Variants in PTPRM observed in about 807,000 individuals in gnomAD.
PTPRM encodes protein tyrosine phosphatase receptor type M.
In PTPRM, 47 loss-of-function variants were observed where a neutral mutation model predicts 186.7. The ratio of observed to expected loss-of-function variants is 0.25; its 90% CI spans 0.20 to 0.32. The LOEUF (loss-of-function observed/expected upper bound fraction) is 0.32, where lower values mean the gene tolerates loss of function less well. Ranked by LOEUF, PTPRM falls within the 10% of genes least tolerant of loss-of-function variation. PTPRM has a pLI of 1.00. For missense variants in PTPRM, 1,494 were observed against 1,865.0 expected (o/e 0.80, Z 3.66); for synonymous variants, 668 against 674.9 (o/e 0.99, Z 0.16).
At chr18:8,289,442 ACG>A (rs2094999064) in intron 19 of PTPRM, among the ~76,000 whole-genome samples, 1 of 131,824 alleles carries the variant, frequency 7.6e-6, no homozygotes, top group Admixed American at 7.8e-5. Context: ...ATGTATATAT[ACG>A]TATATATGTA....
chr18:7,750,181 A>G (rs1048439334), intron 1 of PTPRM, among the ~76,000 whole-genome samples: 2 of 152,234 alleles, frequency 1.3e-5, no homozygotes, highest in Non-Finnish European at 2.9e-5. Flanking sequence ...TAATAACTAT[A>G]AAAGGAAATA....
intron 13 of PTPRM, among the ~76,000 whole-genome samples, chr18:8,124,453 G>T (rs1435735123): frequency 2.6e-5 from 4 of 152,024 alleles, no homozygotes; most frequent in Non-Finnish European, 5.9e-5. Flanking sequence ...GACATTTATT[G>T]AGCACCTTAT....
chr18:8,154,331 T>C (rs2093074680), intron 14 of PTPRM, among the ~76,000 whole-genome samples: 1 of 152,206 alleles, frequency 6.6e-6, no homozygotes, highest in African/African-American at 2.4e-5. Flanking sequence ...CTGGTTAGCC[T>C]ATGTTTCCTC....
Position 8,394,465 on chromosome 18 carries a change from T to C in PTPRM, c.4209-11T>C. On this transcript the variant is annotated splice_polypyrimidine_tract_variant and intron_variant, in intron 31 of 32. Coordinates refer to ENST00000580170, the MANE Select transcript of PTPRM (RefSeq NM_001105244.2). ...AGACCGAGTGCAGTCATCTGATCTT[T>C]TTCACGACAGGAACGGGGGAGGCCG... 6.2e-7 allele frequency: 1 copy of C among 1,604,272 alleles called. No homozygotes were observed. The highest frequency in any genetic ancestry group is 8.5e-7 in the Non-Finnish European group (1 of 1,174,868).
chr18:8,112,927 T>C (rs2091820034), intron 11 of PTPRM, among the ~76,000 whole-genome samples: 1 of 152,206 alleles, frequency 6.6e-6, no homozygotes, highest in African/African-American at 2.4e-5. Context: ...CTGCTTTTCT[T>C]ATGCATTTCT....
At chr18:7,901,717 T>C (rs968026854) in intron 3 of PTPRM, among the ~76,000 whole-genome samples, 7 of 152,194 alleles carry the variant, frequency 4.6e-5, no homozygotes, top group Admixed American at 2.0e-4. Flanking sequence ...AAGGGAAATC[T>C]CTCAATGGTT....
chr18:8,351,196 G>C (rs1344890582), intron 23 of PTPRM, among the ~76,000 whole-genome samples: 1 of 152,074 alleles, frequency 6.6e-6, no homozygotes, highest in African/African-American at 2.4e-5. Context: ...TTATTCAACT[G>C]GCTATTTTAT....
intron 2 of PTPRM, among the ~76,000 whole-genome samples, chr18:7,792,092 A>G (rs1026507020): frequency 2.6e-5 from 4 of 152,200 alleles, no homozygotes; most frequent in African/African-American, 9.6e-5. Flanking sequence ...CACTGCATAT[A>G]ACCTCTCTGG....
At chr18:8,284,303 A>G (rs1373796477) in intron 19 of PTPRM, among the ~76,000 whole-genome samples, 1 of 152,226 alleles carries the variant, frequency 6.6e-6, no homozygotes, top group Non-Finnish European at 1.5e-5. Context: ...AAATTGAACC[A>G]CGTGCCCCTA....
At chr18:8,131,760 A>C (rs1304198211) in intron 13 of PTPRM, among the ~76,000 whole-genome samples, 1 of 152,256 alleles carries the variant, frequency 6.6e-6, no homozygotes, top group Non-Finnish European at 1.5e-5. Context: ...GGGAATGAGA[A>C]GTCTTACTTA....
chr18:7,833,583 A>C (rs1437639498), intron 2 of PTPRM, among the ~76,000 whole-genome samples: 1 of 152,070 alleles, frequency 6.6e-6, no homozygotes, highest in East Asian at 1.9e-4. Context: ...AAAATACAAA[A>C]ATTAGCCGGG....
chr18:7,985,284 CATAA>C (rs1444112278), intron 7 of PTPRM, among the ~76,000 whole-genome samples: 2 of 50,980 alleles, frequency 3.9e-5, no homozygotes, highest in Non-Finnish European at 7.4e-5. Flanking sequence ...AGTATATACA[CATAA>C]ATATATACAT....
At chr18:8,005,413 T>A (rs193183995) in intron 7 of PTPRM, among the ~76,000 whole-genome samples, 2 of 152,378 alleles carry the variant, frequency 1.3e-5, no homozygotes, top group East Asian at 1.9e-4. Flanking sequence ...AGCTTTCTAA[T>A]GCAGAAATAT....
chr18:7,784,808 A>T (rs2043020955), intron 2 of PTPRM, among the ~76,000 whole-genome samples: 1 of 152,198 alleles, frequency 6.6e-6, no homozygotes, highest in South Asian at 2.1e-4. Context: ...TCAGGGAGAC[A>T]TCAGCCTGCA....
chr18:7,595,422 T>C (rs891478984), intron 1 of PTPRM, among the ~76,000 whole-genome samples: 10 of 152,200 alleles, frequency 6.6e-5, no homozygotes, highest in Admixed American at 5.2e-4. Context: ...GGAATGGCTT[T>C]TTTATTAGCT....
intron 2 of PTPRM, among the ~76,000 whole-genome samples, chr18:7,787,081 A>G (rs2043127446): frequency 6.6e-6 from 1 of 152,242 alleles, no homozygotes; most frequent in African/African-American, 2.4e-5. Flanking sequence ...AAAGACTTTT[A>G]GAGGGCCCAC....
chr18:7,868,463 A>G (rs1372488588), intron 2 of PTPRM, among the ~76,000 whole-genome samples: 1 of 152,162 alleles, frequency 6.6e-6, no homozygotes, highest in Non-Finnish European at 1.5e-5. Flanking sequence ...CCTCTGCTGC[A>G]GGTCTGCTGG....
chr18:7,773,044 C>G (rs899318167), intron 1 of PTPRM, among the ~76,000 whole-genome samples: 1 of 151,868 alleles, frequency 6.6e-6, no homozygotes, highest in Non-Finnish European at 1.5e-5. Flanking sequence ...AAATCATCAA[C>G]GTGCTGAATG....
chr18:8,011,263 G>T (rs571487031), intron 7 of PTPRM, among the ~76,000 whole-genome samples: 27 of 152,132 alleles, frequency 1.8e-4, no homozygotes, highest in Non-Finnish European at 3.2e-4. Context: ...TGTTGGCAGT[G>T]GAAAACCGCA....
Sources: allele counts gnomAD v4.1 joint callset (sites outside exome capture counted in the v4.1 genomes callset), GRCh38; gene constraint gnomAD v4.1.1; transcripts MANE v1.5; gene names NCBI Gene and HGNC (gene_info 2026-07-23, HGNC 2026-07-21).